KCNH8: variants seen among roughly 807,000 people sequenced by gnomAD.
KCNH8 encodes the protein voltage-gated delayed rectifier potassium channel KCNH8.
Under a neutral mutation model 103.6 loss-of-function variants are expected in KCNH8, and 70 were observed. That is an observed-to-expected ratio of 0.68 (90% confidence interval 0.56 to 0.82). KCNH8 has a LOEUF of 0.82. KCNH8 is among the 40% of genes least tolerant of loss of function. The pLI, the probability that KCNH8 is intolerant of heterozygous loss-of-function variation, is 0.00. For missense variants in KCNH8, 1,217 were observed against 1,329.9 expected, an observed-to-expected ratio of 0.92 and a Z score of 1.32; for synonymous variants, 498 against 489.4, an observed-to-expected ratio of 1.02 and a Z score of -0.23.
At chr3:19,473,276 TTAA>T (rs1299031795) in intron 11 of KCNH8, among the ~76,000 whole-genome samples, 1 of 152,228 alleles carries the variant, frequency 6.6e-6, no homozygotes, top group Non-Finnish European at 1.5e-5. Context: ...TTTCTTTAAC[TTAA>T]TTCTATTGCT....
intron 1 of KCNH8, among the ~76,000 whole-genome samples, chr3:19,252,362 T>C (rs374060148): frequency 1.3e-5 from 2 of 152,250 alleles, no homozygotes; most frequent in African/African-American, 4.8e-5. Flanking sequence ...GTGTTAATAT[T>C]ACAACCATAA....
At position 19,281,112 on chromosome 3, in the gene KCNH8, CT is replaced by C. The variant is rs1191019488; in HGVS notation, c.311-83del. ...GTGGGATTGAAGAAAACACTAAGGGCTTTATTTTTTATTGATGATTGAGATT... is the reference window on the plus strand; with the variant it reads ...GTGGGATTGAAGAAAACACTAAGGGCTTATTTTTTATTGATGATTGAGATT... On this transcript the variant is annotated intron_variant, in intron 2 of 15. Transcript: ENST00000328405. The C allele has an allele frequency of 5.1e-5, 72 of 1,412,926 alleles. 1 individual carries two copies. The highest frequency in any genetic ancestry group is 1.9e-6 in the Non-Finnish European group (2 of 1,027,354). The allele number at this position is 1,412,926 out of a possible 1,614,324, so 87.5% of individuals were successfully genotyped here. A position where few individuals can be genotyped will look rare whatever the true frequency, so the allele number is the denominator to read the frequency against.
At chr3:19,283,859 C>T (rs929690851) in intron 3 of KCNH8, among the ~76,000 whole-genome samples, 1 of 151,100 alleles carries the variant, frequency 6.6e-6, no homozygotes, top group African/African-American at 2.4e-5. Context: ...GAGAGGATCA[C>T]TTCAGCCCAG....
At chr3:19,518,175 C>A in intron 15 of KCNH8, 101 bp downstream of exon 15, 1 of 847,468 alleles carries the variant, frequency 1.2e-6, no homozygotes, top group Non-Finnish European at 1.9e-6. Context: ...AGCATGCATT[C>A]CAGAATGAGA....
In KCNH8 at chr3:19,152,781, C is replaced by A. The variant is rs1286155805; in HGVS notation, c.76+3986C>A. On this transcript the variant is annotated intron_variant, in intron 1 of 15. Transcript: ENST00000328405. ...TGAAACCCCATTTCTACTAAAAATA[C>A]AAAAATTAGCCGGGTGTGGCGGCAT... Among the ~76,000 whole-genome samples, 4 of 151,654 alleles carry A rather than the reference C, an allele frequency of 2.6e-5. No individual in the cohort carries two copies. The South Asian group carries it at 6.2e-4, about 24-fold the overall frequency.
chr3:19,403,433 A>T lies in KCNH8; in HGVS notation c.1177+8122A>T, dbSNP rs60072470. 2.1e-5 allele frequency among the ~76,000 whole-genome samples: 3 copies of T among 146,158 alleles called. No homozygotes were observed. In the Admixed American group the frequency reaches 2.1e-4, roughly 10 times the overall value. On this transcript the variant is annotated intron_variant, in intron 7 of 15. Transcript: ENST00000328405. ...TCTGTTTATGGTATTACTAAAGAAC[A>T]ATCTTTAACTATTACCCCCATCATG...
intron 2 of KCNH8, among the ~76,000 whole-genome samples, chr3:19,274,621 A>G (rs1023381259): frequency 6.6e-6 from 1 of 152,088 alleles, no homozygotes; most frequent in Non-Finnish European, 1.5e-5. Flanking sequence ...TGACTAAATC[A>G]TGTCTTGGGG....
At chr3:19,206,431 G>A (rs1207339697) in intron 1 of KCNH8, among the ~76,000 whole-genome samples, 2 of 151,784 alleles carry the variant, frequency 1.3e-5, no homozygotes, top group African/African-American at 4.8e-5. Flanking sequence ...ATGAACTGGA[G>A]TGGAAGGCTG....
intron 10 of KCNH8, 84 bp downstream of exon 10, chr3:19,451,488 G>A (rs2067447205): frequency 2.4e-6 from 3 of 1,256,026 alleles, no homozygotes; most frequent in Non-Finnish European, 3.4e-6. Context: ...AACTGCTATT[G>A]AGAGTAGGAA....
chr3:19,380,770 C>T (rs866635357), intron 5 of KCNH8, among the ~76,000 whole-genome samples: 12 of 152,320 alleles, frequency 7.9e-5, no homozygotes, highest in Admixed American at 2.6e-4. Context: ...CATACATTAC[C>T]GAAATCACGT....
chr3:19,151,377 G>T (rs1044813792), intron 1 of KCNH8, among the ~76,000 whole-genome samples: 3 of 151,712 alleles, frequency 2.0e-5, no homozygotes, highest in African/African-American at 7.3e-5. Context: ...ATGCTGAGTT[G>T]GTATAATTTT....
chr3:19,351,894 C>T (rs1370471094), intron 5 of KCNH8, among the ~76,000 whole-genome samples: 2 of 152,072 alleles, frequency 1.3e-5, no homozygotes, highest in Non-Finnish European at 2.9e-5. Flanking sequence ...CAATATTAAC[C>T]TTAAATGTAA....
intron 3 of KCNH8, among the ~76,000 whole-genome samples, chr3:19,295,541 G>C (rs2064986781): frequency 6.6e-6 from 1 of 152,118 alleles, no homozygotes; most frequent in Non-Finnish European, 1.5e-5. Flanking sequence ...TGGTATTAAA[G>C]AATATTCCCA....
chr3:19,166,572 A>T (rs2063285938), intron 1 of KCNH8, among the ~76,000 whole-genome samples: 1 of 151,340 alleles, frequency 6.6e-6, no homozygotes, highest in African/African-American at 2.4e-5. Context: ...GTAAAATATG[A>T]AAAAAAAACT....
chr3:19,490,987 C>T (rs2068307660), intron 11 of KCNH8, among the ~76,000 whole-genome samples: 1 of 151,814 alleles, frequency 6.6e-6, no homozygotes, highest in South Asian at 2.1e-4. Context: ...TGCTGAGTTT[C>T]CAATAAAAAA....
At chr3:19,276,175 ATGTGTG>A (rs59768467) in intron 2 of KCNH8, among the ~76,000 whole-genome samples, 4,605 of 141,954 alleles carry the variant, frequency 0.032, 225 homozygotes, top group African/African-American at 0.11. Flanking sequence ...CAATATGTAT[ATGTGTG>A]TGTGTGTGTG....
intron 11 of KCNH8, among the ~76,000 whole-genome samples, chr3:19,493,076 G>C (rs954017050): frequency 6.6e-6 from 1 of 151,820 alleles, no homozygotes; most frequent in Admixed American, 6.6e-5. Context: ...ATTGATTTTT[G>C]TATCCTAAAA....
chr3:19,466,083 C>T (rs2067730078), intron 11 of KCNH8, among the ~76,000 whole-genome samples: 1 of 152,086 alleles, frequency 6.6e-6, no homozygotes, highest in African/African-American at 2.4e-5. Flanking sequence ...CACCACCACA[C>T]CCGGCTAATT....
At chr3:19,214,479 A>G (rs2063800252) in intron 1 of KCNH8, among the ~76,000 whole-genome samples, 3 of 152,292 alleles carry the variant, frequency 2.0e-5, no homozygotes, top group South Asian at 4.1e-4. Context: ...GCTAGATCCA[A>G]TGACTAACCG....
Sources: gnomAD v4.1 joint callset for allele counts (sites outside exome capture counted in the v4.1 genomes callset) on GRCh38, gnomAD v4.1.1 for gene constraint, MANE v1.5 for transcripts, NCBI Gene and HGNC (gene_info 2026-07-23, HGNC 2026-07-21) for gene names.